The following ABHD17C variants were observed in gnomAD, a reference collection of about 807,000 sequenced individuals.
The protein encoded by ABHD17C is alpha/beta hydrolase domain-containing protein 17C.
A neutral mutation model predicts 27.9 loss-of-function variants in ABHD17C; 11 were observed. The ratio of observed to expected loss-of-function variants is 0.39; its 90% CI spans 0.25 to 0.65. The LOEUF is 0.65. Among genes scored for constraint, ABHD17C ranks in the 30% least tolerant of loss-of-function variants. The pLI, the probability that ABHD17C is intolerant of heterozygous loss-of-function variation, is 0.45. For missense variants in ABHD17C, 280 were observed against 470.2 expected (o/e 0.60, Z 3.74); for synonymous variants, 233 against 209.1 (o/e 1.11, Z -0.98).
chr15:80,746,941 G>C (rs964548100), intron 1 of ABHD17C, among the ~76,000 whole-genome samples: 1 of 152,150 alleles, frequency 6.6e-6, no homozygotes, highest in South Asian at 2.1e-4. Context: ...TCTCAGACCA[G>C]ATTTTATCAA....
intron 1 of ABHD17C, among the ~76,000 whole-genome samples, chr15:80,740,250 T>G (rs1461944849): frequency 2.6e-5 from 4 of 152,100 alleles, no homozygotes; most frequent in African/African-American, 9.7e-5. Context: ...TTAGTATCCT[T>G]TCTTCTGAGC....
intron 1 of ABHD17C, among the ~76,000 whole-genome samples, chr15:80,703,640 TG>T (rs1271958999): frequency 6.6e-6 from 1 of 152,192 alleles, no homozygotes; most frequent in Admixed American, 6.5e-5. Flanking sequence ...TCTATGTATA[TG>T]AGTGTGCGTG....
chr15:80,734,329 C>T (rs1223588649), intron 1 of ABHD17C, among the ~76,000 whole-genome samples: 2 of 152,168 alleles, frequency 1.3e-5, no homozygotes, highest in Admixed American at 1.3e-4. Flanking sequence ...CTCAAATGCC[C>T]TGTGGAGGAG....
chr15:80,736,212 G>T (rs189894995), intron 1 of ABHD17C, among the ~76,000 whole-genome samples: 2 of 152,286 alleles, frequency 1.3e-5, no homozygotes, highest in Non-Finnish European at 2.9e-5. Context: ...ATAGAAGTCT[G>T]TTTGTGAAAT....
At chr15:80,731,748 TAATAA>T (rs1895060406) in intron 1 of ABHD17C, among the ~76,000 whole-genome samples, 2 of 152,230 alleles carry the variant, frequency 1.3e-5, no homozygotes, top group South Asian at 2.1e-4. Context: ...TTTACTTTTA[TAATAA>T]AATCTCATTT....
intron 1 of ABHD17C, among the ~76,000 whole-genome samples, chr15:80,732,623 A>G (rs80188222): frequency 0.089 from 13,480 of 152,246 alleles, 853 homozygotes; most frequent in Middle Eastern, 0.17. Flanking sequence ...TAGGAAATAC[A>G]AGGAAAACAG....
Position 80,713,354 on chromosome 15 carries a change from CTTTTTTTTT to C in ABHD17C, c.590+17355_590+17363del, listed in dbSNP as rs67320992. ...GAAGGAAAGCCACTGAGGTCTTGTT[CTTTTTTTTT>C]TTTTTTTTTTTTTTTTTTTCAAAAT... On this transcript the variant is annotated intron_variant, in intron 1 of 2. Transcript: ENST00000258884. Among the ~76,000 whole-genome samples, 36 of 43,840 alleles carry C rather than the reference CTTTTTTTTT, an allele frequency of 8.2e-4. 1 individual carries two copies. The East Asian group carries it at 8.7e-3, about 11-fold the overall frequency. The allele number at this position is 43,840 out of a possible 152,430, so 28.8% of individuals were successfully genotyped here. A position where few individuals can be genotyped will look rare whatever the true frequency, so the allele number is the denominator to read the frequency against.
At chr15:80,698,700 C>A (rs1567029405) in intron 1 of ABHD17C, among the ~76,000 whole-genome samples, 2 of 152,202 alleles carry the variant, frequency 1.3e-5, no homozygotes, top group Admixed American at 6.5e-5. Context: ...TTGCCTGGAG[C>A]AAGTTCTTAT....
In ABHD17C at chr15:80,754,508, G is replaced by A. The variant is rs985492580; in HGVS notation, c.*138G>A. 2.9e-6 allele frequency: 2 copies of A among 692,088 alleles called. No individual in the cohort carries two copies. The highest frequency in any genetic ancestry group is 4.7e-6 in the Non-Finnish European group (2 of 421,480). The allele number at this position is 692,088 out of a possible 1,614,324, so 42.9% of individuals were successfully genotyped here. A position where few individuals can be genotyped will look rare whatever the true frequency, so the allele number is the denominator to read the frequency against. On this transcript the variant is annotated 3_prime_UTR_variant, in exon 3 of 3. Transcript: ENST00000258884. Reference sequence around the variant, plus strand: ...TTTAGGGTGTTCTAATCAAAGAGCTGATGAAATCTCAGTCTTTTGTATCTA... The same window carrying A: ...TTTAGGGTGTTCTAATCAAAGAGCTAATGAAATCTCAGTCTTTTGTATCTA...
At chr15:80,710,085 C>A (rs952326889) in intron 1 of ABHD17C, among the ~76,000 whole-genome samples, 1 of 152,106 alleles carries the variant, frequency 6.6e-6, no homozygotes, top group East Asian at 1.9e-4. Flanking sequence ...TTGGCTGCAA[C>A]TTTTAAAGGA....
intron 1 of ABHD17C, among the ~76,000 whole-genome samples, chr15:80,729,116 T>C (rs1192721034): frequency 1.3e-5 from 2 of 152,206 alleles, no homozygotes; most frequent in African/African-American, 4.8e-5. Flanking sequence ...ATCTTCAGCT[T>C]GTGGGCACCA....
At chr15:80,705,019 G>A (rs559392810) in intron 1 of ABHD17C, 1 of 152,486 alleles carries the variant, frequency 6.6e-6, no homozygotes, top group South Asian at 2.1e-4. Context: ...GACTGCTGAT[G>A]AGAAGTGATC....
intron 1 of ABHD17C, among the ~76,000 whole-genome samples, chr15:80,738,763 T>C (rs967923202): frequency 4.6e-5 from 7 of 151,972 alleles, no homozygotes; most frequent in African/African-American, 1.7e-4. Context: ...GATGGGGTGC[T>C]CAGGAGGAAG....
At chr15:80,720,397 T>G (rs1182565739) in intron 1 of ABHD17C, among the ~76,000 whole-genome samples, 1 of 152,002 alleles carries the variant, frequency 6.6e-6, no homozygotes, top group Non-Finnish European at 1.5e-5. Flanking sequence ...ATGTAGGAGG[T>G]AAACTTTCTA....
intron 1 of ABHD17C, among the ~76,000 whole-genome samples, chr15:80,720,205 C>G (rs945849381): frequency 2.6e-5 from 4 of 151,994 alleles, no homozygotes; most frequent in Admixed American, 1.3e-4. Context: ...TCTCCCTTGT[C>G]TTTTGGAACC....
intron 1 of ABHD17C, among the ~76,000 whole-genome samples, chr15:80,715,204 T>A (rs1011002275): frequency 6.6e-6 from 1 of 152,256 alleles, no homozygotes; most frequent in Admixed American, 6.5e-5. Flanking sequence ...TGGAAATCAA[T>A]TGAAAGGAAG....
chr15:80,748,151 C>A (rs893501599), intron 1 of ABHD17C, among the ~76,000 whole-genome samples: 5 of 152,186 alleles, frequency 3.3e-5, no homozygotes, highest in African/African-American at 1.2e-4. Context: ...TCTTTAGGGC[C>A]TCCATTCTTC....
At chr15:80,726,501 G>GTTTGTTTTTTTTTTTTTTTT (rs1894978114) in intron 1 of ABHD17C, among the ~76,000 whole-genome samples, 3 of 94,508 alleles carry the variant, frequency 3.2e-5, no homozygotes, top group African/African-American at 1.6e-4. Context: ...TCTTTTTCTG[G>GTTTGTTTTTTTTTTTTTTTT]TTTTTTTTTT....
In ABHD17C at chr15:80,749,585, C is replaced by T. The variant is rs1406633906; in HGVS notation, c.663C>T (p.Ala221=). 2.5e-6 allele frequency: 4 copies of T among 1,613,796 alleles called. No homozygotes were observed. The highest frequency in any genetic ancestry group is 3.4e-6 in the Non-Finnish European group (4 of 1,179,868). ...SIGTVPTVDL[A]SRYECAAVIL... ...GGACTGTCCCCACGGTAGACTTGGC[C>T]TCGAGGTATGAATGCGCAGCGGTAA... is the stretch of plus-strand genomic sequence containing the variant. Residue 221 remains alanine (A), a synonymous_variant, in exon 2 of 3, where the codon GCC becomes GCT. Coordinates refer to ENST00000258884, the MANE Select transcript of ABHD17C (RefSeq NM_021214.2).
Sources: allele counts gnomAD v4.1 joint callset (sites outside exome capture counted in the v4.1 genomes callset), GRCh38; gene constraint gnomAD v4.1.1; transcripts MANE v1.5; gene names NCBI Gene and HGNC (gene_info 2026-07-23, HGNC 2026-07-21).